TGFBR1: variants seen among roughly 807,000 people sequenced by gnomAD.
TGFBR1 encodes TGF-beta receptor type-1.
In TGFBR1, 20 loss-of-function variants were observed where a neutral mutation model predicts 55.1. The ratio of observed to expected loss-of-function variants is 0.36; its 90% CI spans 0.26 to 0.53. The LOEUF is 0.53. TGFBR1 is among the 20% of genes least tolerant of loss of function. The pLI, the probability that TGFBR1 is intolerant of heterozygous loss-of-function variation, is 0.91. For synonymous variants in TGFBR1, 220 were observed against 214.8 expected (o/e 1.02, Z -0.21); for missense variants, 385 against 617.6 (o/e 0.62, Z 3.99).
chr9:99,146,750 G>A lies in TGFBR1; in HGVS notation c.1255+141G>A, dbSNP rs754023627. On this transcript the variant is annotated intron_variant, in intron 7 of 8. Transcript: ENST00000374994. ...ACCGAGTGCCAGAGAAAACAAAGGC[G>A]ATGAAACCTTTGGGAGGGGACAGTG... 390 of 1,307,476 alleles carry A rather than the reference G, an allele frequency of 3.0e-4. 1 individual carries two copies. The highest frequency in any genetic ancestry group is 1.1e-3 in the Middle Eastern group (6 of 5,454). 81.0% of individuals were successfully genotyped at this position (1,307,476 alleles called of 1,614,324 possible). A position where few individuals can be genotyped will look rare whatever the true frequency, so the allele number is the denominator to read the frequency against.
chr9:99,141,639 G>A (rs553054490), intron 4 of TGFBR1, among the ~76,000 whole-genome samples: 59 of 152,276 alleles, frequency 3.9e-4, no homozygotes, highest in African/African-American at 1.2e-3. Context: ...GACTCTAAGC[G>A]TCCATCTTTT....
intron 1 of TGFBR1, 116 bp downstream of exon 1, chr9:99,105,418 C>T (rs1826380185): frequency 1.1e-6 from 1 of 872,722 alleles, no homozygotes; most frequent in African/African-American, 1.8e-5. Flanking sequence ...GGTGGCGGCG[C>T]CGGGGCCCGG....
At chr9:99,111,250 A>G (rs7031302) in intron 1 of TGFBR1, among the ~76,000 whole-genome samples, 36,334 of 148,674 alleles carry the variant, frequency 0.24, 4,737 homozygotes, top group East Asian at 0.46. Context: ...AAGGAAAAAA[A>G]CCATCACCAG....
At chr9:99,133,506 A>G (rs1488738731) in intron 3 of TGFBR1, among the ~76,000 whole-genome samples, 3 of 152,194 alleles carry the variant, frequency 2.0e-5, no homozygotes, top group African/African-American at 7.2e-5. Flanking sequence ...ATATTAAGAG[A>G]GGAACACTCC....
At chr9:99,119,439 T>G (rs1826839025) in intron 1 of TGFBR1, among the ~76,000 whole-genome samples, 1 of 152,218 alleles carries the variant, frequency 6.6e-6, no homozygotes, top group Non-Finnish European at 1.5e-5. Flanking sequence ...ATTTTCGGTT[T>G]TGTCCTACGT....
chr9:99,110,345 CTT>C (rs1003952080), intron 1 of TGFBR1, among the ~76,000 whole-genome samples: 1 of 152,110 alleles, frequency 6.6e-6, no homozygotes, highest in Non-Finnish European at 1.5e-5. Context: ...TTAATTCTCT[CTT>C]CTCTCTTTTT....
chr9:99,144,645 T>A (rs1827733233), intron 5 of TGFBR1, 87 bp from the exon 6 acceptor site: 5 of 1,517,818 alleles, frequency 3.3e-6, no homozygotes, highest in Non-Finnish European at 4.5e-6. Context: ...ATAATTTGGG[T>A]TGGGAGAAGA....
At chr9:99,136,377 T>C (rs1161143547) in intron 3 of TGFBR1, among the ~76,000 whole-genome samples, 4 of 152,194 alleles carry the variant, frequency 2.6e-5, no homozygotes, top group Non-Finnish European at 5.9e-5. Context: ...GTGATTCCTT[T>C]TTCTTTTTTA....
chr9:99,109,871 A>G (rs1014669258), intron 1 of TGFBR1, among the ~76,000 whole-genome samples: 3 of 152,120 alleles, frequency 2.0e-5, no homozygotes, highest in Admixed American at 2.0e-4. Context: ...AAAGTTTTGG[A>G]GTCTTCTCAG....
intron 3 of TGFBR1, among the ~76,000 whole-genome samples, chr9:99,137,397 T>C (rs1827470331): frequency 6.6e-6 from 1 of 152,200 alleles, no homozygotes; most frequent in Non-Finnish European, 1.5e-5. Context: ...GTTCCTCTTT[T>C]ACCTAAAGCT....
rs200224469 is a variant in TGFBR1 at position 99,150,148 on chromosome 9, T to G, written c.*843T>G. 18 of 189,496 alleles carry G rather than the reference T, an allele frequency of 9.5e-5. No homozygotes were observed. In the South Asian group the frequency reaches 2.9e-3, roughly 31 times the overall value. The allele number at this position is 189,496 out of a possible 1,614,324, so 11.7% of individuals were successfully genotyped here. On this transcript the variant is annotated 3_prime_UTR_variant, in exon 9 of 9. Coordinates refer to ENST00000374994, the MANE Select transcript of TGFBR1 (RefSeq NM_004612.4). The stretch of plus-strand genomic sequence containing the variant: ...ATGCCTTTCTCCTACCAAAATGTGC[T>G]TAAGCCACTAAAGAAATGAAGTGGC...
At chr9:99,114,178 G>A (rs1196691903) in intron 1 of TGFBR1, among the ~76,000 whole-genome samples, 2 of 152,156 alleles carry the variant, frequency 1.3e-5, no homozygotes, top group Admixed American at 6.5e-5. Context: ...GATTTTGGAA[G>A]CTTGAAATAA....
intron 3 of TGFBR1, among the ~76,000 whole-genome samples, chr9:99,135,759 C>A (rs1827417781): frequency 6.6e-6 from 1 of 151,988 alleles, no homozygotes; most frequent in Admixed American, 6.6e-5. Context: ...GAAGTTTTCT[C>A]TCAAACAGTT....
chr9:99,137,659 T>A (rs951428029), intron 3 of TGFBR1, among the ~76,000 whole-genome samples, 200 bp from the exon 4 acceptor site: 19 of 152,200 alleles, frequency 1.2e-4, no homozygotes, highest in African/African-American at 4.6e-4. Flanking sequence ...AGTTTCTGGA[T>A]TCTTTTATTA....
Position 99,154,114 on chromosome 9 carries a change from A to T in TGFBR1, c.*4809A>T, listed in dbSNP as rs185400896. On this transcript the variant is annotated 3_prime_UTR_variant, in exon 9 of 9. Coordinates refer to ENST00000374994, the MANE Select transcript of TGFBR1 (RefSeq NM_004612.4). ...GATTTAGGGATTTTTTTTTTTCCTT[A>T]TAACAAAGACATCACCAGGATATGA... 1.7e-3 allele frequency: 381 copies of T among 227,322 alleles called. No homozygotes were observed. The highest frequency in any genetic ancestry group is 6.7e-3 in the Middle Eastern group (5 of 746). The allele number at this position is 227,322 out of a possible 1,614,324, so 14.1% of individuals were successfully genotyped here.
rs2118890267 is a variant in TGFBR1 at position 99,151,552 on chromosome 9, AT to A, written c.*2250del. The A allele has an allele frequency of 4.3e-6, 1 of 230,224 alleles. No homozygotes were observed. The highest frequency in any genetic ancestry group is 6.3e-5 in the East Asian group (1 of 15,874). The allele number at this position is 230,224 out of a possible 1,614,324, so 14.3% of individuals were successfully genotyped here. ...GTCTGATTTAAAGTTGTAATACATG[AT>A]TTCTCACTTTCATGTAAGGTTATCC... On this transcript the variant is annotated 3_prime_UTR_variant, in exon 9 of 9. Transcript: ENST00000374994.
At chr9:99,120,253 C>T (rs1268081135) in intron 1 of TGFBR1, among the ~76,000 whole-genome samples, 3 of 152,180 alleles carry the variant, frequency 2.0e-5, no homozygotes, top group Admixed American at 2.0e-4. Context: ...ATCAACTTAA[C>T]TACCATATCC....
At position 99,149,692 on chromosome 9, in the gene TGFBR1, G is replaced by A. The variant is rs868844235; in HGVS notation, c.*387G>A. Reference sequence around the variant, plus strand: ...GAAACATGTCTTATTACTAAAGAAAGTGATTTACTCCTGGTTAGTACATTC... The same window carrying A: ...GAAACATGTCTTATTACTAAAGAAAATGATTTACTCCTGGTTAGTACATTC... On this transcript the variant is annotated 3_prime_UTR_variant, in exon 9 of 9. Coordinates refer to ENST00000374994, the MANE Select transcript of TGFBR1 (RefSeq NM_004612.4). The A allele has an allele frequency of 2.3e-5, 7 of 306,592 alleles. No individual in the cohort carries two copies. The highest frequency in any genetic ancestry group is 9.4e-4 in the Middle Eastern group (1 of 1,064). The allele number at this position is 306,592 out of a possible 1,614,324, so 19.0% of individuals were successfully genotyped here. A position where few individuals can be genotyped will look rare whatever the true frequency, so the allele number is the denominator to read the frequency against.
chr9:99,126,916 T>G lies in TGFBR1; in HGVS notation c.98-1939T>G, dbSNP rs192570690. On this transcript the variant is annotated intron_variant, in intron 1 of 8. Coordinates refer to ENST00000374994, the MANE Select transcript of TGFBR1 (RefSeq NM_004612.4). ...AATAATGATTAAGGTAAAACTTTAC[T>G]GGTCTGTAAAGATAATAGACAAGTA... Among the ~76,000 whole-genome samples, 29 of 152,322 alleles carry G rather than the reference T, an allele frequency of 1.9e-4. No homozygotes were observed. The East Asian group carries it at 5.6e-3, about 29-fold the overall frequency.
Sources: allele counts gnomAD v4.1 joint callset (sites outside exome capture counted in the v4.1 genomes callset), GRCh38; gene constraint gnomAD v4.1.1; transcripts MANE v1.5; gene names NCBI Gene and HGNC (gene_info 2026-07-23, HGNC 2026-07-21).